Variants in RGS6 observed in about 807,000 individuals in gnomAD.
The protein encoded by RGS6 is regulator of G-protein signaling 6.
A neutral mutation model predicts 78.5 loss-of-function variants in RGS6; 30 were observed. The observed-to-expected ratio is 0.38, with a 90% CI of 0.29 to 0.52. The LOEUF is 0.52. Among genes scored for constraint, RGS6 ranks in the 20% least tolerant of loss-of-function variants. The probability of loss-of-function intolerance (pLI) is 0.85; values close to 1 mark genes in which losing one functional copy is unlikely to be tolerated. For missense variants in RGS6, 495 were observed against 609.7 expected, an observed-to-expected ratio of 0.81 and a Z score of 1.98; for synonymous variants, 206 against 206.0, an observed-to-expected ratio of 1.00 and a Z score of 0.00.
chr14:72,293,964 G>A (rs1490795261), intron 2 of RGS6, among the ~76,000 whole-genome samples: 4 of 152,174 alleles, frequency 2.6e-5, no homozygotes, highest in Non-Finnish European at 4.4e-5. Context: ...CAATCCCTGG[G>A]CTAAGCTATT....
intron 2 of RGS6, among the ~76,000 whole-genome samples, chr14:72,107,601 T>C (rs931198274): frequency 6.6e-6 from 1 of 152,174 alleles, no homozygotes; most frequent in African/African-American, 2.4e-5. Flanking sequence ...CTGGGAAATA[T>C]CCACTTCTAT....
chr14:72,306,262 T>G (rs531279887), intron 2 of RGS6, among the ~76,000 whole-genome samples: 1 of 152,346 alleles, frequency 6.6e-6, no homozygotes, highest in South Asian at 2.1e-4. Context: ...CTCAAAATAT[T>G]GATGCTCACT....
intron 2 of RGS6, among the ~76,000 whole-genome samples, chr14:72,324,867 A>ATCCATTACTCAC (rs2073266673): frequency 1.3e-5 from 2 of 152,210 alleles, no homozygotes; most frequent in African/African-American, 4.8e-5. Context: ...TTGGGTATAT[A>ATCCATTACTCAC]TCCAGTAATG....
At chr14:72,399,668 C>CTG (rs1189434774) in intron 3 of RGS6, among the ~76,000 whole-genome samples, 18 of 152,214 alleles carry the variant, frequency 1.2e-4, no homozygotes, top group Middle Eastern at 3.4e-3. Context: ...GTGGCTGGTA[C>CTG]CAGTTGTTCC....
intron 2 of RGS6, among the ~76,000 whole-genome samples, chr14:72,034,792 G>C (rs960654019): frequency 4.6e-5 from 7 of 151,986 alleles, no homozygotes; most frequent in Non-Finnish European, 8.8e-5. Context: ...CATCTGGTCC[G>C]GGGCTTTTCT....
chr14:72,338,975 T>TA (rs1567795003), intron 2 of RGS6, among the ~76,000 whole-genome samples: 1 of 152,192 alleles, frequency 6.6e-6, no homozygotes, highest in Non-Finnish European at 1.5e-5. Flanking sequence ...GGACTAGCTT[T>TA]AAAAAAATAA....
intron 12 of RGS6, among the ~76,000 whole-genome samples, chr14:72,487,704 G>C (rs1053249633): frequency 6.6e-6 from 1 of 152,176 alleles, no homozygotes; most frequent in Non-Finnish European, 1.5e-5. Flanking sequence ...TTCTTCCCTA[G>C]AGCCTCCAGA....
At chr14:72,140,439 T>C (rs945928553) in intron 2 of RGS6, among the ~76,000 whole-genome samples, 2 of 152,188 alleles carry the variant, frequency 1.3e-5, no homozygotes, top group South Asian at 4.1e-4. Context: ...TGACACAAGA[T>C]GTTAATGGGT....
chr14:72,040,546 C>G (rs1293425578), intron 2 of RGS6, among the ~76,000 whole-genome samples: 1 of 139,076 alleles, frequency 7.2e-6, no homozygotes, highest in Non-Finnish European at 1.6e-5. Context: ...AAGATTCTCT[C>G]TTTGTTTTTG....
intron 1 of RGS6, among the ~76,000 whole-genome samples, chr14:71,936,580 A>G (rs1200311892): frequency 2.6e-5 from 4 of 152,042 alleles, no homozygotes; most frequent in Non-Finnish European, 5.9e-5. Context: ...ATCTTCAAAT[A>G]AAGACAATAA....
intron 2 of RGS6, among the ~76,000 whole-genome samples, chr14:72,329,355 T>C (rs1305629065): frequency 6.6e-6 from 1 of 152,242 alleles, no homozygotes; most frequent in Non-Finnish European, 1.5e-5. Context: ...CTCCAACCAC[T>C]CCCTGGTGCC....
chr14:72,184,917 C>T (rs1599033233), intron 2 of RGS6, among the ~76,000 whole-genome samples: 1 of 152,270 alleles, frequency 6.6e-6, no homozygotes, highest in East Asian at 1.9e-4. Context: ...TATTGACTCA[C>T]ATCATCACAA....
chr14:72,273,459 A>T (rs1008890797), intron 2 of RGS6, among the ~76,000 whole-genome samples: 1 of 152,202 alleles, frequency 6.6e-6, no homozygotes, highest in Non-Finnish European at 1.5e-5. Flanking sequence ...CTAACACAGC[A>T]TAAGTGTGGA....
intron 15 of RGS6, among the ~76,000 whole-genome samples, chr14:72,534,063 AG>A (rs2097214724): frequency 6.6e-6 from 1 of 152,234 alleles, no homozygotes; most frequent in Non-Finnish European, 1.5e-5. Flanking sequence ...CTGTTGCGAA[AG>A]GAAGAGTCAA....
chr14:71,933,478 G>C (rs1041662022), intron 1 of RGS6, among the ~76,000 whole-genome samples: 1 of 152,188 alleles, frequency 6.6e-6, no homozygotes, highest in Admixed American at 6.5e-5. Flanking sequence ...GTGGCTATTC[G>C]CTTGGAGAGG....
rs180798261 is a variant in RGS6 at position 71,940,401 on chromosome 14, G to A, written c.-21+7460G>A. Among the ~76,000 whole-genome samples, 5 of 152,324 alleles carry A rather than the reference G, an allele frequency of 3.3e-5. No individual in the cohort carries two copies. The East Asian group carries it at 7.7e-4, about 23-fold the overall frequency. On this transcript the variant is annotated intron_variant, in intron 1 of 17. Transcript: ENST00000553525. ...CTCAAGTCTGGAAATTGAATGAGGA[G>A]CCGTGATTCTCTGTTTTTATAATTC...
chr14:72,595,131 G>A, the RGS6 span: 1 of 152,230 alleles, frequency 6.6e-6, no homozygotes, highest in African/African-American at 2.4e-5. Context: ...GTTCATTATA[G>A]ATGAACTAAG....
At chr14:72,578,848 T>G in the RGS6 span, among the ~76,000 whole-genome samples, 1 of 152,180 alleles carries the variant, frequency 6.6e-6, no homozygotes, top group Admixed American at 6.5e-5. Flanking sequence ...ATGAAAGGGA[T>G]GTTGAGGGGT....
intron 2 of RGS6, among the ~76,000 whole-genome samples, chr14:72,153,425 T>C (rs909345183): frequency 1.3e-5 from 2 of 152,122 alleles, no homozygotes; most frequent in Non-Finnish European, 2.9e-5. Flanking sequence ...GGGACCAGAT[T>C]TGGATGGATG....
Sources: allele counts gnomAD v4.1 joint callset (sites outside exome capture counted in the v4.1 genomes callset), GRCh38; gene constraint gnomAD v4.1.1; transcripts MANE v1.5; gene names NCBI Gene and HGNC (gene_info 2026-07-23, HGNC 2026-07-21).